DENND1B: variants seen among roughly 807,000 people sequenced by gnomAD.
The protein encoded by DENND1B is DENN domain-containing protein 1B.
DENND1B carries 59 observed loss-of-function variants against 90.1 expected under a neutral mutation model. The observed-to-expected ratio is 0.65, with a 90% CI of 0.53 to 0.81. The LOEUF (loss-of-function observed/expected upper bound fraction) is 0.81. Among genes scored for constraint, DENND1B ranks in the 40% least tolerant of loss-of-function variants. The pLI is 0.00. For missense variants in DENND1B, 862 were observed against 912.6 expected (o/e 0.94, Z 0.71); for synonymous variants, 337 against 324.6 (o/e 1.04, Z -0.41).
chr1:197,715,077 G>A lies in DENND1B; in HGVS notation c.83-3C>T. ...GAATTTCCACAATACCACAGGATCT[G>A]TAAATAATTGACATGTATAATTAAA... On this transcript the variant is annotated splice_polypyrimidine_tract_variant and splice_region_variant and intron_variant, in intron 2 of 22. Coordinates refer to ENST00000620048, the MANE Select transcript of DENND1B (RefSeq NM_001195215.2). The A allele has an allele frequency of 6.2e-7, 1 of 1,609,506 alleles. No individual in the cohort carries two copies. Among genetic ancestry groups the A allele is most frequent in the Non-Finnish European group, 8.5e-7 (1 of 1,177,068 alleles).
chr1:197,593,202 A>G (rs1675387611), intron 14 of DENND1B, among the ~76,000 whole-genome samples: 1 of 151,990 alleles, frequency 6.6e-6, no homozygotes, highest in Non-Finnish European at 1.5e-5. Flanking sequence ...TTATGCACAA[A>G]AAGAAATAAA....
chr1:197,611,973 G>T lies in DENND1B; in HGVS notation c.777C>A (p.Ala259=). The change falls in exon 12 of 23, where the codon GCC becomes GCA. Residue 259 remains alanine, a synonymous_variant. Transcript: ENST00000620048. ...LPPHLLDYCC[A]PMPYLIGIHS... ...GTATTCCAATCAGGTATGGCATTGGGGCACTAAATTAAAAATATATATATG... is the reference window on the plus strand; with the variant it reads ...GTATTCCAATCAGGTATGGCATTGGTGCACTAAATTAAAAATATATATATG... 6.2e-7 allele frequency: 1 copy of T among 1,601,672 alleles called. No individual in the cohort carries two copies. The highest frequency in any genetic ancestry group is 8.5e-7 in the Non-Finnish European group (1 of 1,171,650).
At position 197,530,641 on chromosome 1, in the gene DENND1B, C is replaced by A. The variant is rs539198412; in HGVS notation, c.1515+9323G>T. Among the ~76,000 whole-genome samples the A allele has an allele frequency of 2.0e-5, 3 of 152,214 alleles. No individual in the cohort carries two copies. The East Asian group carries it at 5.8e-4, about 29-fold the overall frequency. On this transcript the variant is annotated intron_variant, in intron 20 of 22. Transcript: ENST00000620048. ...ATTAGAGATTATTAGTGATCCTGGA[C>A]TATAACTACCAAGAGAGAAATCAGA... is the stretch of plus-strand genomic sequence containing the variant.
chr1:197,718,655 A>G (rs1660871299), intron 2 of DENND1B, among the ~76,000 whole-genome samples: 1 of 152,118 alleles, frequency 6.6e-6, no homozygotes, highest in South Asian at 2.1e-4. Flanking sequence ...AGAGTCACTA[A>G]AGGACTTCAA....
At chr1:197,554,710 C>A (rs184274490) in intron 15 of DENND1B, among the ~76,000 whole-genome samples, 1 of 151,116 alleles carries the variant, frequency 6.6e-6, no homozygotes, top group African/African-American at 2.4e-5. Context: ...GACGTGGTGG[C>A]GCACACCTGT....
At chr1:197,735,979 CA>C in intron 2 of DENND1B, 2 of 1,218,926 alleles carry the variant, frequency 1.6e-6, no homozygotes, top group South Asian at 1.3e-5. Context: ...GCTAAGGAAG[CA>C]AAAAAGGCTA....
chr1:197,525,020 T>C (rs1478372355), intron 20 of DENND1B, among the ~76,000 whole-genome samples: 1 of 152,082 alleles, frequency 6.6e-6, no homozygotes, highest in Non-Finnish European at 1.5e-5. Flanking sequence ...AGAAACTACA[T>C]AAAAACCCAT....
At chr1:197,659,002 C>T (rs953687734) in intron 5 of DENND1B, among the ~76,000 whole-genome samples, 22 of 150,614 alleles carry the variant, frequency 1.5e-4, no homozygotes, top group Admixed American at 4.0e-4. Context: ...TTATATAAAA[C>T]AAAATCTATA....
At chr1:197,755,800 G>A (rs558330290) in intron 2 of DENND1B, among the ~76,000 whole-genome samples, 22 of 152,244 alleles carry the variant, frequency 1.4e-4, no homozygotes, top group African/African-American at 5.3e-4. Flanking sequence ...GCAAGCTTGT[G>A]CAGAGAACTC....
intron 2 of DENND1B, among the ~76,000 whole-genome samples, chr1:197,723,777 T>A (rs1040983604): frequency 3.9e-5 from 6 of 152,048 alleles, no homozygotes; most frequent in African/African-American, 1.4e-4. Flanking sequence ...TAAGTTAGCA[T>A]GAGACTGTTG....
At chr1:197,782,068 G>C in the DENND1B span, among the ~76,000 whole-genome samples, 1 of 152,056 alleles carries the variant, frequency 6.6e-6, no homozygotes, top group South Asian at 2.1e-4. Flanking sequence ...AACAGTCCTT[G>C]GAGTTCAGAA....
intron 2 of DENND1B, among the ~76,000 whole-genome samples, chr1:197,770,790 ATATC>A (rs1558503871): frequency 1.4e-5 from 2 of 141,554 alleles, no homozygotes; most frequent in African/African-American, 2.6e-5. Flanking sequence ...ATATAAATAT[ATATC>A]TATAAATATA....
At chr1:197,613,935 C>T (rs1052310495) in intron 11 of DENND1B, among the ~76,000 whole-genome samples, 14 of 150,828 alleles carry the variant, frequency 9.3e-5, no homozygotes, top group African/African-American at 3.4e-4. Context: ...ATTACTAAGT[C>T]CATTTTACAA....
intron 11 of DENND1B, among the ~76,000 whole-genome samples, chr1:197,613,399 C>T (rs1221394711): frequency 6.6e-6 from 1 of 150,618 alleles, no homozygotes; most frequent in Non-Finnish European, 1.5e-5. Context: ...GTTGTCTTTG[C>T]CCTTTGTAGC....
At chr1:197,626,243 C>G (rs1358794067) in intron 10 of DENND1B, among the ~76,000 whole-genome samples, 5 of 151,960 alleles carry the variant, frequency 3.3e-5, no homozygotes, top group South Asian at 2.1e-4. Flanking sequence ...CATACCACAC[C>G]TATTCCAAAA....
At chr1:197,705,648 TA>T (rs35856931) in intron 3 of DENND1B, among the ~76,000 whole-genome samples, 117,468 of 140,864 alleles carry the variant, frequency 0.83, 48,941 homozygotes, top group African/African-American at 0.92. Flanking sequence ...GGTAGAAATT[TA>T]AAAAAAAAAA....
At chr1:197,660,070 T>C (rs1414942060) in intron 5 of DENND1B, among the ~76,000 whole-genome samples, 1 of 151,816 alleles carries the variant, frequency 6.6e-6, no homozygotes, top group Non-Finnish European at 1.5e-5. Flanking sequence ...ACTAAACTTT[T>C]CTAAAAAGTA....
chr1:197,516,854 C>A (rs1176613459), intron 20 of DENND1B, among the ~76,000 whole-genome samples: 1 of 151,668 alleles, frequency 6.6e-6, no homozygotes, highest in Non-Finnish European at 1.5e-5. Context: ...ATAATCTGAA[C>A]CCACACAATA....
At chr1:197,518,344 T>C (rs140045922) in intron 20 of DENND1B, among the ~76,000 whole-genome samples, 123 of 151,968 alleles carry the variant, frequency 8.1e-4, no homozygotes, top group African/African-American at 2.7e-3. Flanking sequence ...GTAATGACAA[T>C]CCACTAGAAT....
Sources: gnomAD v4.1 joint callset for allele counts (sites outside exome capture counted in the v4.1 genomes callset) on GRCh38, gnomAD v4.1.1 for gene constraint, MANE v1.5 for transcripts, NCBI Gene and HGNC (gene_info 2026-07-23, HGNC 2026-07-21) for gene names.